IL1RAPL2: variants seen among roughly 807,000 people sequenced by gnomAD.
IL1RAPL2 encodes interleukin 1 receptor accessory protein like 2, also known as X-linked interleukin-1 receptor accessory protein-like 2.
A neutral mutation model predicts 44.1 loss-of-function variants in IL1RAPL2; 3 were observed. The observed-to-expected ratio is 0.07, with a 90% CI of 0.03 to 0.18. The LOEUF is 0.18. Ranked by LOEUF, IL1RAPL2 falls within the 10% of genes least tolerant of loss-of-function variation. The pLI, the probability that IL1RAPL2 is intolerant of heterozygous loss-of-function variation, is 1.00. For synonymous variants in IL1RAPL2, 181 were observed against 178.8 expected (o/e 1.01, Z -0.10); for missense variants, 391 against 496.4 (o/e 0.79, Z 2.02).
At chrX:104,854,278 T>G in intron 2 of IL1RAPL2, among the ~76,000 whole-genome samples, 1 of 111,153 alleles carries the variant, frequency 9.0e-6, no homozygotes, top group Non-Finnish European at 1.9e-5. Context: ...CCAGAAACCC[T>G]GATTTTTTTT....
chrX:105,089,642 G>T (rs181950404), intron 2 of IL1RAPL2, among the ~76,000 whole-genome samples: 1 of 111,653 alleles, frequency 9.0e-6, no homozygotes, highest in Admixed American at 9.6e-5. Context: ...GCAGTAGGAG[G>T]AATCATACTA....
chrX:104,984,909 G>A (rs2030531557), intron 2 of IL1RAPL2, among the ~76,000 whole-genome samples: 1 of 111,208 alleles, frequency 9.0e-6, no homozygotes, highest in South Asian at 3.8e-4. Flanking sequence ...GTTACAACTG[G>A]TATTTAAGAG....
At chrX:105,198,258 A>G (rs1556142997) in intron 3 of IL1RAPL2, among the ~76,000 whole-genome samples, 1 of 111,927 alleles carries the variant, frequency 8.9e-6, no homozygotes, top group Non-Finnish European at 1.9e-5. Context: ...CTTTGGGTAT[A>G]TACCCAATAA....
intron 2 of IL1RAPL2, 132 bp downstream of exon 2, chrX:104,659,127 G>C (rs919786629): frequency 2.2e-6 from 1 of 452,855 alleles, no homozygotes; most frequent in African/African-American, 2.5e-5. Flanking sequence ...TTGGAAAGTA[G>C]CCAAAATAAA....
chrX:105,112,295 T>C (rs2032809000), intron 2 of IL1RAPL2, among the ~76,000 whole-genome samples: 1 of 112,310 alleles, frequency 8.9e-6, no homozygotes, highest in Admixed American at 9.4e-5. Flanking sequence ...ATTTTTCTAT[T>C]GCCAGAGAGT....
intron 2 of IL1RAPL2, among the ~76,000 whole-genome samples, chrX:105,073,107 A>C (rs1206422014): frequency 9.5e-6 from 1 of 105,375 alleles, no homozygotes; most frequent in Non-Finnish European, 1.9e-5. Context: ...GGTTTGTTAC[A>C]TATGTATACA....
intron 6 of IL1RAPL2, among the ~76,000 whole-genome samples, chrX:105,704,393 G>C (rs981000867): frequency 1.8e-5 from 2 of 111,394 alleles, no homozygotes; most frequent in Non-Finnish European, 3.8e-5. Context: ...AATTGTAATG[G>C]TACCATACAT....
intron 2 of IL1RAPL2, among the ~76,000 whole-genome samples, chrX:105,114,304 C>T (rs775487955): frequency 1.8e-5 from 2 of 111,939 alleles, no homozygotes; most frequent in African/African-American, 6.5e-5. Flanking sequence ...TCCCAACCTG[C>T]CGAACTGTAA....
At chrX:104,947,788 A>G (rs1400107910) in intron 2 of IL1RAPL2, among the ~76,000 whole-genome samples, 10 of 111,999 alleles carry the variant, frequency 8.9e-5, no homozygotes, top group Non-Finnish European at 1.3e-4. Context: ...CTCTGTTTTG[A>G]TACCAGTACC....
intron 7 of IL1RAPL2, among the ~76,000 whole-genome samples, chrX:105,732,192 CT>C (rs1445603748): frequency 9.0e-6 from 1 of 111,188 alleles, no homozygotes; most frequent in Non-Finnish European, 1.9e-5. Context: ...GTTCTCCATG[CT>C]TTTTCTGCCT....
chrX:105,687,489 A>G (rs2037991410), intron 6 of IL1RAPL2, among the ~76,000 whole-genome samples: 1 of 111,756 alleles, frequency 8.9e-6, no homozygotes, highest in Non-Finnish European at 1.9e-5. Context: ...AGAAATGGAT[A>G]AATTCCTTGA....
intron 5 of IL1RAPL2, among the ~76,000 whole-genome samples, chrX:105,364,457 A>T (rs1169847185): frequency 9.0e-6 from 1 of 111,056 alleles, no homozygotes; most frequent in Non-Finnish European, 1.9e-5. Flanking sequence ...TTTTTGTGAA[A>T]AAATGATGTT....
intron 2 of IL1RAPL2, among the ~76,000 whole-genome samples, chrX:104,734,559 G>A (rs1011933436): frequency 5.4e-5 from 6 of 111,974 alleles, no homozygotes; most frequent in African/African-American, 1.9e-4. Context: ...GCTGCATATT[G>A]TATCATTTTG....
intron 2 of IL1RAPL2, among the ~76,000 whole-genome samples, chrX:105,029,010 G>A (rs2031427088): frequency 9.2e-6 from 1 of 109,196 alleles, no homozygotes; most frequent in Admixed American, 9.9e-5. Flanking sequence ...AAATAAAGCT[G>A]TTCAAGATCT....
At chrX:104,644,070 G>T (rs896594452) in intron 1 of IL1RAPL2, among the ~76,000 whole-genome samples, 1 of 111,401 alleles carries the variant, frequency 9.0e-6, no homozygotes, top group Admixed American at 9.5e-5. Context: ...CGCAATTCTT[G>T]TTGAAAACAT....
chrX:105,683,157 C>T (rs1217545115), intron 6 of IL1RAPL2, among the ~76,000 whole-genome samples: 1 of 111,451 alleles, frequency 9.0e-6, no homozygotes, highest in Non-Finnish European at 1.9e-5. Flanking sequence ...AGCAGATTAA[C>T]GGGAAACAAC....
intron 2 of IL1RAPL2, among the ~76,000 whole-genome samples, chrX:105,018,078 C>T (rs750701813): frequency 1.8e-5 from 2 of 111,606 alleles, no homozygotes; most frequent in African/African-American, 3.2e-5. Context: ...TAAGGCTTGG[C>T]ATTTTCAGAA....
At chrX:105,257,392 A>G (rs944720736) in intron 4 of IL1RAPL2, among the ~76,000 whole-genome samples, 4 of 112,050 alleles carry the variant, frequency 3.6e-5, no homozygotes, top group Non-Finnish European at 7.5e-5. Flanking sequence ...CCATGTACCA[A>G]TGAGAAGAAT....
chrX:104,842,479 T>A (rs1239260378), intron 2 of IL1RAPL2, among the ~76,000 whole-genome samples: 1 of 111,651 alleles, frequency 9.0e-6, no homozygotes, highest in Non-Finnish European at 1.9e-5. Flanking sequence ...ATTCTCGCTT[T>A]TGGAATTTTC....
Sources: gnomAD v4.1 joint callset for allele counts (sites outside exome capture counted in the v4.1 genomes callset) on GRCh38, gnomAD v4.1.1 for gene constraint, MANE v1.5 for transcripts, NCBI Gene and HGNC (gene_info 2026-07-23, HGNC 2026-07-21) for gene names.